Variants in FMN1 observed in about 807,000 individuals in gnomAD.
FMN1 encodes formin 1.
In FMN1, 110 loss-of-function variants were observed where a neutral mutation model predicts 132.4. That is an observed-to-expected ratio of 0.83 (90% CI 0.71 to 0.97). The LOEUF is 0.97. FMN1 is among the 50% of genes least tolerant of loss of function. The pLI, the probability that FMN1 is intolerant of heterozygous loss-of-function variation, is 0.00. For synonymous variants in FMN1, 722 were observed against 651.7 expected (o/e 1.11, Z -1.64); for missense variants, 1,792 against 1,705.3 (o/e 1.05, Z -0.90).
intron 3 of FMN1, among the ~76,000 whole-genome samples, chr15:33,163,557 G>A (rs182134683): frequency 6.7e-6 from 1 of 150,014 alleles, no homozygotes; most frequent in East Asian, 2.0e-4. Context: ...GCCTCCCAAA[G>A]TGCTGGGATT....
chr15:33,055,675 C>T (rs957503709), intron 6 of FMN1, among the ~76,000 whole-genome samples: 2 of 151,078 alleles, frequency 1.3e-5, no homozygotes, highest in Non-Finnish European at 2.9e-5. Flanking sequence ...ATGAAGAGCA[C>T]TAATAATTTT....
intron 17 of FMN1, among the ~76,000 whole-genome samples, chr15:32,804,674 C>G (rs2057611728): frequency 6.8e-6 from 1 of 147,616 alleles, no homozygotes; most frequent in Admixed American, 6.8e-5. Context: ...CCCCACCCCC[C>G]AACAGGCCCC....
intron 2 of FMN1, among the ~76,000 whole-genome samples, chr15:33,188,809 A>T (rs1965978510): frequency 6.6e-6 from 1 of 152,196 alleles, no homozygotes; most frequent in Non-Finnish European, 1.5e-5. Flanking sequence ...AACAAAGCCC[A>T]GGGAGTCAGG....
chr15:33,125,306 G>C (rs954351258), intron 4 of FMN1, among the ~76,000 whole-genome samples: 3 of 152,172 alleles, frequency 2.0e-5, no homozygotes, highest in Non-Finnish European at 4.4e-5. Context: ...CTGATGCATA[G>C]TAAGCCGTCA....
chr15:33,069,991 C>CTTTTTTTTTTT (rs1566888327), intron 5 of FMN1, among the ~76,000 whole-genome samples: 4 of 59,552 alleles, frequency 6.7e-5, no homozygotes, highest in East Asian at 1.5e-3. Flanking sequence ...ATCAGTCTTT[C>CTTTTTTTTTTT]TCTTTTTTTT....
At chr15:32,972,016 C>A (rs2031833588) in intron 7 of FMN1, among the ~76,000 whole-genome samples, 1 of 152,196 alleles carries the variant, frequency 6.6e-6, no homozygotes, top group Non-Finnish European at 1.5e-5. Flanking sequence ...GTTAAGTTCA[C>A]CTCTCTGTAC....
chr15:33,009,130 C>T (rs1049496660), intron 6 of FMN1, among the ~76,000 whole-genome samples: 1 of 152,186 alleles, frequency 6.6e-6, no homozygotes, highest in Non-Finnish European at 1.5e-5. Flanking sequence ...CTCCACTGAG[C>T]TGTGAATCCA....
intron 8 of FMN1, among the ~76,000 whole-genome samples, chr15:32,964,525 G>C (rs1396045263): frequency 6.6e-6 from 1 of 152,140 alleles, no homozygotes; most frequent in Non-Finnish European, 1.5e-5. Flanking sequence ...AACTCCTTAG[G>C]ACTAGAAATC....
chr15:33,104,266 T>C (rs1173273767), intron 4 of FMN1, among the ~76,000 whole-genome samples: 2 of 152,146 alleles, frequency 1.3e-5, no homozygotes, highest in African/African-American at 4.8e-5. Flanking sequence ...CTGAACTGTA[T>C]GGTGCTGACA....
Position 33,182,766 on chromosome 15 carries a change from C to T in FMN1, c.-196-2504G>A, listed in dbSNP as rs1375839931. 3.3e-5 allele frequency among the ~76,000 whole-genome samples: 5 copies of T among 152,302 alleles called. No individual in the cohort carries two copies. The South Asian group carries it at 1.0e-3, about 32-fold the overall frequency. On this transcript the variant is annotated intron_variant, in intron 2 of 20. Coordinates refer to ENST00000616417, the MANE Select transcript of FMN1 (RefSeq NM_001277313.2). ...TTCAACAGAGCCCAACCACAAATGT[C>T]ACCCACCCTGGAAATCCAGGAGGAA...
chr15:32,878,865 G>A lies in FMN1; in HGVS notation c.3835+9307C>T, dbSNP rs185012719. Among the ~76,000 whole-genome samples, 368 of 152,178 alleles carry A rather than the reference G, an allele frequency of 2.4e-3. 3 individuals carry two copies. Among genetic ancestry groups the A allele is most frequent in the African/African-American group, 8.4e-3 (350 of 41,520 alleles). On this transcript the variant is annotated intron_variant, in intron 16 of 20. Coordinates refer to ENST00000616417, the MANE Select transcript of FMN1 (RefSeq NM_001277313.2). ...CAACAAAACACATTCTATTAACCACGTGTTTTTATAAAATAGAGGGTAGAA... is the reference window on the plus strand; with the variant it reads ...CAACAAAACACATTCTATTAACCACATGTTTTTATAAAATAGAGGGTAGAA...
intron 20 of FMN1, among the ~76,000 whole-genome samples, 184 bp downstream of exon 20, chr15:32,776,651 A>G (rs890981054): frequency 1.3e-5 from 2 of 151,796 alleles, no homozygotes; most frequent in African/African-American, 4.8e-5. Flanking sequence ...CAGGAAAAAC[A>G]TATAAAGCTA....
At chr15:33,005,290 T>C (rs752903720) in intron 7 of FMN1, among the ~76,000 whole-genome samples, 2 of 151,922 alleles carry the variant, frequency 1.3e-5, no homozygotes, top group Non-Finnish European at 2.9e-5. Context: ...AGCAATTAGG[T>C]AAACATCATA....
chr15:33,099,893 T>C (rs983253365), intron 4 of FMN1, among the ~76,000 whole-genome samples: 7 of 152,212 alleles, frequency 4.6e-5, no homozygotes, highest in Admixed American at 3.3e-4. Context: ...CATGTCTTTC[T>C]CCCAGAATAC....
At chr15:32,941,026 C>CT (rs35556740) in intron 9 of FMN1, among the ~76,000 whole-genome samples, 46,465 of 151,972 alleles carry the variant, frequency 0.31, 9,876 homozygotes, top group African/African-American at 0.61. Context: ...CCAAAAGCCC[C>CT]GGCCCACAGG....
At chr15:33,095,156 T>G (rs2039034433) in intron 4 of FMN1, among the ~76,000 whole-genome samples, 1 of 152,104 alleles carries the variant, frequency 6.6e-6, no homozygotes, top group South Asian at 2.1e-4. Context: ...GAGACCAGCC[T>G]GGCCAACATG....
chr15:32,902,089 A>G, intron 12 of FMN1, 49 bp from the exon 13 acceptor site: 1 of 1,539,346 alleles, frequency 6.5e-7, no homozygotes, highest in South Asian at 1.2e-5. Context: ...ATCACAAGGA[A>G]AATAAAAAGA....
chr15:33,020,969 C>T (rs2035387686), intron 6 of FMN1, among the ~76,000 whole-genome samples: 1 of 152,194 alleles, frequency 6.6e-6, no homozygotes, highest in Non-Finnish European at 1.5e-5. Flanking sequence ...ATGGAGAATA[C>T]TTCCTATGGC....
intron 3 of FMN1, among the ~76,000 whole-genome samples, chr15:33,172,470 T>C (rs1329970381): frequency 1.3e-5 from 2 of 152,190 alleles, no homozygotes; most frequent in African/African-American, 4.8e-5. Flanking sequence ...ATGTGGCTCT[T>C]CATGAGTGAT....
Sources: allele counts gnomAD v4.1 joint callset (sites outside exome capture counted in the v4.1 genomes callset), GRCh38; gene constraint gnomAD v4.1.1; transcripts MANE v1.5; gene names NCBI Gene and HGNC (gene_info 2026-07-23, HGNC 2026-07-21).